Variants in PINX1 observed in about 807,000 individuals in gnomAD.
The protein encoded by PINX1 is PIN2 (TERF1) interacting telomerase inhibitor 1.
PINX1 carries 34 observed loss-of-function variants against 25.4 expected under a neutral mutation model. The ratio of observed to expected loss-of-function variants is 1.34; its 90% confidence interval spans 1.02 to 1.78. The LOEUF (loss-of-function observed/expected upper bound fraction) is 1.78, where lower values mean the gene tolerates loss of function less well. Ranked by LOEUF, PINX1 falls within the 40% of genes most tolerant of loss-of-function variation. The pLI is 0.00. For missense variants in PINX1, 592 were observed against 404.9 expected (o/e 1.46, Z -3.97); for synonymous variants, 197 against 147.7 (o/e 1.33, Z -2.42).
In PINX1 at chr8:10,826,389, C is replaced by T. The variant is rs561447003; in HGVS notation, c.302-145G>A. ...TTCATTCATTTGCTCTGCAACAGCA[C>T]CCTTCTGCTGGATCTCTGTTTTCTT... On this transcript the variant is annotated intron_variant, in intron 4 of 6. Coordinates refer to ENST00000314787, the MANE Select transcript of PINX1 (RefSeq NM_017884.6). The T allele has an allele frequency of 3.2e-4, 173 of 548,202 alleles. No individual in the cohort carries two copies. In the South Asian group the frequency reaches 4.4e-3, roughly 14 times the overall value. The allele number at this position is 548,202 out of a possible 1,614,324, so 34.0% of individuals were successfully genotyped here.
chr8:10,807,334 C>CT (rs1476229836), intron 6 of PINX1, among the ~76,000 whole-genome samples: 1 of 101,308 alleles, frequency 9.9e-6, no homozygotes, highest in Non-Finnish European at 1.9e-5. Flanking sequence ...CCCACCCCCC[C>CT]CCCCACCAAA....
intron 4 of PINX1, among the ~76,000 whole-genome samples, chr8:10,829,310 G>A (rs1011702992): frequency 6.7e-6 from 1 of 149,048 alleles, no homozygotes; most frequent in African/African-American, 2.5e-5. Context: ...AAAAAAGAGA[G>A]AGAGAAAATA....
At chr8:10,771,139 C>T (rs371089053) in intron 6 of PINX1, 30 of 152,232 alleles carry the variant, frequency 2.0e-4, no homozygotes, top group African/African-American at 6.8e-4. Context: ...CTTTTCCAAA[C>T]TTTTCAGTGG....
chr8:10,820,760 T>C (rs1025417479), intron 5 of PINX1, among the ~76,000 whole-genome samples: 1 of 152,146 alleles, frequency 6.6e-6, no homozygotes, highest in Non-Finnish European at 1.5e-5. Context: ...ACACACAGGA[T>C]CTTAATAATT....
intron 6 of PINX1, among the ~76,000 whole-genome samples, chr8:10,809,422 C>T (rs555674399): frequency 1.3e-5 from 2 of 152,214 alleles, no homozygotes; most frequent in Admixed American, 6.5e-5. Context: ...TTTAGCTCTT[C>T]TTCCTTTTAT....
chr8:10,788,443 C>A (rs761185330), intron 6 of PINX1, among the ~76,000 whole-genome samples: 2 of 151,962 alleles, frequency 1.3e-5, no homozygotes, highest in Non-Finnish European at 2.9e-5. Flanking sequence ...CATGTGCCTG[C>A]AATCCCAGCT....
At chr8:10,796,683 T>C (rs1802094626) in intron 6 of PINX1, among the ~76,000 whole-genome samples, 1 of 152,098 alleles carries the variant, frequency 6.6e-6, no homozygotes, top group East Asian at 1.9e-4. Flanking sequence ...TCTGCGATTT[T>C]TTCCCCTTAG....
chr8:10,838,671 T>C (rs566535476), intron 1 of PINX1, among the ~76,000 whole-genome samples: 101 of 152,340 alleles, frequency 6.6e-4, no homozygotes, highest in African/African-American at 2.1e-3. Flanking sequence ...TGACTCCTCA[T>C]TTTTTACTGG....
chr8:10,785,307 C>A (rs986373523), intron 6 of PINX1, among the ~76,000 whole-genome samples: 1 of 152,156 alleles, frequency 6.6e-6, no homozygotes, highest in Non-Finnish European at 1.5e-5. Context: ...GAAGGATTGG[C>A]GTAGCAAGTT....
intron 6 of PINX1, among the ~76,000 whole-genome samples, chr8:10,773,801 C>T (rs1394582439): frequency 2.0e-5 from 3 of 152,188 alleles, no homozygotes; most frequent in Non-Finnish European, 4.4e-5. Context: ...AAGAGTCATC[C>T]AGCCTCTGTG....
In PINX1 at chr8:10,765,013, T is replaced by G. The variant is rs889618684; in HGVS notation, c.*388A>C. On this transcript the variant is annotated 3_prime_UTR_variant, in exon 7 of 7. Transcript: ENST00000314787. ...TGAGTCTTTCAGAAGAAAGCACCATTCATTGTTATTGAAGGGAACCGAGAG... is the reference window on the plus strand; with the variant it reads ...TGAGTCTTTCAGAAGAAAGCACCATGCATTGTTATTGAAGGGAACCGAGAG... 1.0e-4 allele frequency: 18 copies of G among 175,364 alleles called. No homozygotes were observed. Among genetic ancestry groups the G allele is most frequent in the Non-Finnish European group, 8.3e-5 (7 of 84,430 alleles). The allele number at this position is 175,364 out of a possible 1,614,324, so 10.9% of individuals were successfully genotyped here. A position where few individuals can be genotyped will look rare whatever the true frequency, so the allele number is the denominator to read the frequency against.
intron 6 of PINX1, among the ~76,000 whole-genome samples, chr8:10,815,818 C>T (rs1282042050): frequency 6.6e-6 from 1 of 152,190 alleles, no homozygotes; most frequent in East Asian, 1.9e-4. Flanking sequence ...ACTTTAAAGA[C>T]ATCAAATGAT....
At chr8:10,827,269 T>C (rs923209456) in intron 4 of PINX1, among the ~76,000 whole-genome samples, 20 of 152,178 alleles carry the variant, frequency 1.3e-4, no homozygotes, top group African/African-American at 4.8e-4. Flanking sequence ...AGGTGACGCA[T>C]GGAGGAGCAG....
intron 6 of PINX1, among the ~76,000 whole-genome samples, chr8:10,788,480 G>A (rs1242076006): frequency 2.6e-5 from 4 of 152,128 alleles, no homozygotes; most frequent in South Asian, 2.1e-4. Context: ...CAAGAGAATC[G>A]CTTGAAACCG....
intron 6 of PINX1, among the ~76,000 whole-genome samples, chr8:10,819,355 T>C (rs969206289): frequency 6.6e-6 from 1 of 152,234 alleles, no homozygotes. Context: ...TTTTGTTCTA[T>C]GGTCACCAAG....
chr8:10,785,732 G>A (rs1401539064), intron 6 of PINX1, among the ~76,000 whole-genome samples: 1 of 152,188 alleles, frequency 6.6e-6, no homozygotes, highest in Non-Finnish European at 1.5e-5. Context: ...TGGAAAGACC[G>A]ATTTTTAAGT....
At chr8:10,791,182 G>A (rs1801911184) in intron 6 of PINX1, among the ~76,000 whole-genome samples, 1 of 152,174 alleles carries the variant, frequency 6.6e-6, no homozygotes, top group Non-Finnish European at 1.5e-5. Context: ...AAAGTGCTGG[G>A]ATGACAGGCA....
intron 4 of PINX1, among the ~76,000 whole-genome samples, chr8:10,831,321 A>C (rs1798220438): frequency 6.6e-6 from 1 of 152,256 alleles, no homozygotes; most frequent in Admixed American, 6.5e-5. Flanking sequence ...AGATTGGCTA[A>C]TGGATATAAA....
At chr8:10,826,359 ACTCT>A in intron 4 of PINX1, 115 bp from the exon 5 acceptor site, 2 of 573,878 alleles carry the variant, frequency 3.5e-6, no homozygotes, top group Non-Finnish European at 6.1e-6. Flanking sequence ...TAATGATTGA[ACTCT>A]TTCATTCATT....
Sources: gnomAD v4.1 joint callset for allele counts (sites outside exome capture counted in the v4.1 genomes callset) on GRCh38, gnomAD v4.1.1 for gene constraint, MANE v1.5 for transcripts, NCBI Gene and HGNC (gene_info 2026-07-23, HGNC 2026-07-21) for gene names.